Variants in LTBP2 observed in about 807,000 individuals in gnomAD.
LTBP2 encodes latent transforming growth factor beta binding protein 2.
LTBP2 carries 103 observed loss-of-function variants against 210.6 expected under a neutral mutation model. The observed-to-expected ratio is 0.49, with a 90% CI of 0.42 to 0.58. The LOEUF is 0.58. LTBP2 is among the 20% of genes least tolerant of loss of function. LTBP2 has a pLI of 0.00. For missense variants in LTBP2, 2,313 were observed against 2,494.5 expected, an observed-to-expected ratio of 0.93 and a Z score of 1.55; for synonymous variants, 1,007 against 1,015.0, an observed-to-expected ratio of 0.99 and a Z score of 0.15.
chr14:74,509,626 C>A (rs2087042996), intron 21 of LTBP2, 108 bp downstream of exon 21: 5 of 1,513,266 alleles, frequency 3.3e-6, no homozygotes, highest in Non-Finnish European at 4.5e-6. Context: ...TCTAGCCTAG[C>A]CTGGAGCCCC....
chr14:74,572,334 A>C (rs2087992671), intron 3 of LTBP2, among the ~76,000 whole-genome samples: 1 of 149,182 alleles, frequency 6.7e-6, no homozygotes, highest in Admixed American at 6.7e-5. Flanking sequence ...AGAGAGAGAG[A>C]GAGAGAGTGT....
rs2086950907 is a variant in LTBP2 at position 74,504,027 on chromosome 14, G to A, written c.4481C>T (p.Pro1494Leu). 6.2e-7 allele frequency: 1 copy of A among 1,614,080 alleles called. No individual in the cohort carries two copies. The highest frequency in any genetic ancestry group is 1.3e-5 in the African/African-American group (1 of 75,062). Residue 1494 changes from proline to leucine, a missense_variant, in exon 31 of 36, where the codon CCT (proline) becomes CTT (leucine). Pro to Leu is a moderately conservative substitution (Grantham distance 98, BLOSUM62 -3). Around this residue, in one of 3 missense-constraint regions of LTBP2, gnomAD observed 443 missense variants for 501.4 expected, o/e 0.88. Coordinates refer to ENST00000261978, the MANE Select transcript of LTBP2 (RefSeq NM_000428.3). The stretch of plus-strand genomic sequence containing the variant: ...GCACCGGCCGTTCGGGCAGAGACCA[G>A]GCCCGAATATCACACACTCATCCGC... Reference protein sequence around the residue: ...TDADECVIFGPGLCPNGRCLN... With the variant: ...TDADECVIFGLGLCPNGRCLN...
Position 74,499,146 on chromosome 14 carries a change from C to CTT in LTBP2, c.*1736_*1737dup. On this transcript the variant is annotated 3_prime_UTR_variant, in exon 36 of 36. Coordinates refer to ENST00000261978, the MANE Select transcript of LTBP2 (RefSeq NM_000428.3). ...TCCCACATGCTTGCCAGCTAGGAGT[C>CTT]TTAACAAGCTTTTTGATCTTTGCCA... is the stretch of plus-strand genomic sequence containing the variant. The CTT allele has an allele frequency of 4.6e-6, 1 of 215,596 alleles. No individual in the cohort carries two copies. The highest frequency in any genetic ancestry group is 2.2e-5 in the African/African-American group (1 of 44,474). The allele number at this position is 215,596 out of a possible 1,614,324, so 13.4% of individuals were successfully genotyped here. A position where few individuals can be genotyped will look rare whatever the true frequency, so the allele number is the denominator to read the frequency against.
At chr14:74,560,921 T>G (rs1307702209) in intron 3 of LTBP2, among the ~76,000 whole-genome samples, 5 of 152,228 alleles carry the variant, frequency 3.3e-5, no homozygotes. Flanking sequence ...GACTTGAACA[T>G]CCATGAATTT....
intron 2 of LTBP2, among the ~76,000 whole-genome samples, chr14:74,589,519 C>G (rs2088252034): frequency 6.6e-6 from 1 of 152,250 alleles, no homozygotes; most frequent in African/African-American, 2.4e-5. Context: ...GCACCTCTTC[C>G]TGGCAGGCTC....
At chr14:74,524,303 G>A (rs762288272) in intron 15 of LTBP2, among the ~76,000 whole-genome samples, 14 of 152,178 alleles carry the variant, frequency 9.2e-5, no homozygotes, top group Non-Finnish European at 7.4e-5. Context: ...TCAGTGGGGT[G>A]TGCCTGGGAA....
intron 9 of LTBP2, among the ~76,000 whole-genome samples, chr14:74,535,179 T>G (rs1487662824): frequency 2.0e-5 from 3 of 152,108 alleles, no homozygotes. Context: ...GAATCACTTC[T>G]GCAGCCTGGC....
chr14:74,565,465 C>T (rs531111503), intron 3 of LTBP2, among the ~76,000 whole-genome samples: 3 of 152,218 alleles, frequency 2.0e-5, no homozygotes, highest in African/African-American at 7.2e-5. Flanking sequence ...GAGGAAAGAA[C>T]CAAGAAGAAG....
chr14:74,575,810 A>G (rs757212317), intron 3 of LTBP2, among the ~76,000 whole-genome samples: 1 of 152,214 alleles, frequency 6.6e-6, no homozygotes, highest in Non-Finnish European at 1.5e-5. Context: ...CTCAAAAAGC[A>G]TGAGCAGGGC....
At chr14:74,596,182 G>A (rs993961465) in intron 2 of LTBP2, among the ~76,000 whole-genome samples, 5 of 151,610 alleles carry the variant, frequency 3.3e-5, no homozygotes, top group South Asian at 4.2e-4. Flanking sequence ...CCGAGATTGC[G>A]CCACTGCACT....
chr14:74,523,053 T>G, intron 15 of LTBP2, 135 bp from the exon 16 acceptor site: 1 of 1,062,832 alleles, frequency 9.4e-7, no homozygotes, highest in Non-Finnish European at 1.4e-6. Flanking sequence ...CTCCCTCCCA[T>G]ACCCATGCAC....
intron 15 of LTBP2, among the ~76,000 whole-genome samples, chr14:74,523,590 C>T (rs561863206): frequency 3.3e-5 from 5 of 152,136 alleles, no homozygotes; most frequent in African/African-American, 1.2e-4. Flanking sequence ...GAGACAGGTA[C>T]AGAATTGAGA....
intron 30 of LTBP2, among the ~76,000 whole-genome samples, chr14:74,504,475 C>T (rs556673184): frequency 6.6e-6 from 1 of 152,342 alleles, no homozygotes; most frequent in East Asian, 1.9e-4. Flanking sequence ...CAGTGCTCTC[C>T]ACTCTGTCCC....
At chr14:74,531,571 G>A (rs2087351028) in intron 10 of LTBP2, among the ~76,000 whole-genome samples, 1 of 152,156 alleles carries the variant, frequency 6.6e-6, no homozygotes, top group Non-Finnish European at 1.5e-5. Flanking sequence ...AGAGCCACTG[G>A]GTTCAGCCTC....
At chr14:74,546,640 C>T (rs866413490) in intron 8 of LTBP2, among the ~76,000 whole-genome samples, 5 of 152,128 alleles carry the variant, frequency 3.3e-5, no homozygotes, top group African/African-American at 9.7e-5. Context: ...TGGGGCAGAG[C>T]GAGGGCAAGG....
At chr14:74,512,064 G>A (rs528568442) in intron 18 of LTBP2, among the ~76,000 whole-genome samples, 22 of 152,368 alleles carry the variant, frequency 1.4e-4, no homozygotes, top group African/African-American at 5.3e-4. Context: ...GACCCAGGAA[G>A]GGAGAGTGGC....
intron 8 of LTBP2, among the ~76,000 whole-genome samples, 187 bp downstream of exon 8, chr14:74,549,676 G>A (rs899135546): frequency 3.9e-5 from 6 of 152,252 alleles, no homozygotes; most frequent in Non-Finnish European, 7.3e-5. Context: ...GACTGCACCA[G>A]CAGAGGGCTG....
Position 74,611,913 on chromosome 14 carries a change from C to T in LTBP2, c.32G>A (p.Gly11Glu), listed in dbSNP as rs111260366. Residue 11 changes from glycine (G) to glutamate (E), a missense_variant, in exon 1 of 36, where the codon GGG (glycine) becomes GAG (glutamate). Around this residue, in one of 3 missense-constraint regions of LTBP2, gnomAD observed 1,867 missense variants for 1,976.9 expected, o/e 0.94. Coordinates refer to ENST00000261978, the MANE Select transcript of LTBP2 (RefSeq NM_000428.3). ...TCTCCAGGGGTTCCGCAGGGCGCGC[C>T]CCGGGCTGCGGGCTTTGGTCCGCGG... Reference protein sequence around the residue: MRPRTKARSPGRALRNPWRGF... With the variant: MRPRTKARSPERALRNPWRGF... 1 of 1,593,540 alleles carries T rather than the reference C, an allele frequency of 6.3e-7. No homozygotes were observed. The highest frequency in any genetic ancestry group is 8.5e-7 in the Non-Finnish European group (1 of 1,173,390).
At chr14:74,514,595 G>A (rs965476566) in intron 18 of LTBP2, among the ~76,000 whole-genome samples, 2 of 152,208 alleles carry the variant, frequency 1.3e-5, no homozygotes, top group South Asian at 4.1e-4. Context: ...GGGGCCAGAA[G>A]CTCAAGTGAC....
Sources: gnomAD v4.1 joint callset for allele counts (sites outside exome capture counted in the v4.1 genomes callset) on GRCh38, gnomAD v4.1.1 for gene constraint, gnomAD v4.1.1 regional missense constraint, MANE v1.5 for transcripts, NCBI Gene and HGNC (gene_info 2026-07-23, HGNC 2026-07-21) for gene names.